PRUNE2: variants seen among roughly 807,000 people sequenced by gnomAD.
PRUNE2 encodes the protein protein prune homolog 2.
In PRUNE2, 164 loss-of-function variants were observed where a neutral mutation model predicts 252.0. The observed-to-expected ratio is 0.65, with a 90% confidence interval of 0.57 to 0.74. PRUNE2 has a LOEUF of 0.74. Ranked by LOEUF, PRUNE2 falls within the 30% of genes least tolerant of loss-of-function variation. The pLI is 0.00. For missense variants in PRUNE2, 3,495 were observed against 3,711.0 expected, an observed-to-expected ratio of 0.94 and a Z score of 1.51; for synonymous variants, 1,292 against 1,350.2, an observed-to-expected ratio of 0.96 and a Z score of 0.94.
At chr9:76,819,350 G>C (rs897601369) in intron 6 of PRUNE2, 1 of 152,238 alleles carries the variant, frequency 6.6e-6, no homozygotes, top group Non-Finnish European at 1.5e-5. Context: ...GACATGCATA[G>C]AGGGAAGGTG....
chr9:76,784,208 T>G (rs1204637477), intron 6 of PRUNE2: 1 of 152,104 alleles, frequency 6.6e-6, no homozygotes, highest in Non-Finnish European at 1.5e-5. Flanking sequence ...CATTAGAAAA[T>G]GAATTGATGT....
intron 9 of PRUNE2, among the ~76,000 whole-genome samples, chr9:76,679,549 G>A (rs1320879421): frequency 2.6e-5 from 4 of 152,152 alleles, no homozygotes; most frequent in Non-Finnish European, 5.9e-5. Flanking sequence ...AAGTACTATA[G>A]GAAGGCTGAG....
Position 76,860,528 on chromosome 9 carries a change from G to A in PRUNE2, c.37-6320C>T, listed in dbSNP as rs147590913. ...GATTTCCGTTACTGTTATCATTTCT[G>A]CAACGGTGGTTTCACAAGGAGCCCT... On this transcript the variant is annotated intron_variant, in intron 1 of 18. Transcript: ENST00000376718. 2.6e-5 allele frequency among the ~76,000 whole-genome samples: 4 copies of A among 152,296 alleles called. No homozygotes were observed. The East Asian group carries it at 7.7e-4, about 29-fold the overall frequency.
At chr9:76,891,663 C>A (rs182394691) in intron 1 of PRUNE2, among the ~76,000 whole-genome samples, 371 of 152,326 alleles carry the variant, frequency 2.4e-3, no homozygotes, top group Non-Finnish European at 3.4e-3. Context: ...TATTTTCACT[C>A]GGACATTTTC....
At chr9:76,650,026 A>G (rs1168888841) in intron 11 of PRUNE2, among the ~76,000 whole-genome samples, 1 of 152,050 alleles carries the variant, frequency 6.6e-6, no homozygotes, top group Non-Finnish European at 1.5e-5. Flanking sequence ...TTTGGCTTCA[A>G]GTATGTAAGT....
At chr9:76,861,227 G>A (rs2060527630) in intron 1 of PRUNE2, among the ~76,000 whole-genome samples, 1 of 152,154 alleles carries the variant, frequency 6.6e-6, no homozygotes, top group Non-Finnish European at 1.5e-5. Context: ...ATTCTTTGCT[G>A]GTTTGGTAAA....
At chr9:76,816,676 GT>G (rs752557403) in intron 6 of PRUNE2, among the ~76,000 whole-genome samples, 10 of 152,240 alleles carry the variant, frequency 6.6e-5, no homozygotes, top group Non-Finnish European at 1.2e-4. Flanking sequence ...TCGGAGTTTG[GT>G]TATTTGGAGT....
At chr9:76,624,591 A>T in intron 16 of PRUNE2, 101 bp from the exon 17 acceptor site, 1 of 798,442 alleles carries the variant, frequency 1.3e-6, no homozygotes, top group Non-Finnish European at 1.8e-6. Context: ...AAAGTGGTGC[A>T]TATGTGCTTT....
At chr9:76,804,059 T>C (rs887833942) in intron 6 of PRUNE2, among the ~76,000 whole-genome samples, 1 of 152,022 alleles carries the variant, frequency 6.6e-6, no homozygotes, top group Non-Finnish European at 1.5e-5. Context: ...CTAAGAAAAA[T>C]GCACACTGCC....
chr9:76,660,781 C>CAAAAAAAA (rs11432174), intron 9 of PRUNE2, among the ~76,000 whole-genome samples: 47 of 100,600 alleles, frequency 4.7e-4, no homozygotes, highest in Middle Eastern at 6.1e-3. Context: ...GACTCTGAAT[C>CAAAAAAAA]AAAAAAAAAA....
intron 6 of PRUNE2, among the ~76,000 whole-genome samples, chr9:76,729,950 C>G (rs546239264): frequency 7.9e-5 from 12 of 152,152 alleles, no homozygotes; most frequent in Non-Finnish European, 5.9e-5. Context: ...TTTTTTATAG[C>G]TGTATTATCC....
chr9:76,869,895 A>G (rs569074953), intron 1 of PRUNE2, among the ~76,000 whole-genome samples: 1 of 152,294 alleles, frequency 6.6e-6, no homozygotes, highest in South Asian at 2.1e-4. Flanking sequence ...GAGCCCCTCA[A>G]TTGGAAAATT....
At chr9:76,616,880 T>C (rs967511118) in intron 18 of PRUNE2, among the ~76,000 whole-genome samples, 2 of 152,030 alleles carry the variant, frequency 1.3e-5, no homozygotes, top group African/African-American at 4.8e-5. Context: ...AAAAGGCATG[T>C]TGCAAGTTTT....
chr9:76,764,642 T>C (rs1202957810), intron 6 of PRUNE2: 3 of 152,302 alleles, frequency 2.0e-5, no homozygotes, highest in East Asian at 3.9e-4. Context: ...GAAGAGGTTT[T>C]GTGTTTCTGT....
intron 11 of PRUNE2, among the ~76,000 whole-genome samples, chr9:76,650,977 A>G (rs774073311): frequency 1.3e-5 from 2 of 152,178 alleles, no homozygotes; most frequent in African/African-American, 4.8e-5. Flanking sequence ...GGAAAGGAGC[A>G]GGAGCTGGTA....
chr9:76,728,054 T>C (rs2048273277), intron 6 of PRUNE2, among the ~76,000 whole-genome samples: 1 of 152,126 alleles, frequency 6.6e-6, no homozygotes, highest in South Asian at 2.1e-4. Flanking sequence ...ATCTTATATT[T>C]AGGATTCCTG....
intron 6 of PRUNE2, among the ~76,000 whole-genome samples, chr9:76,716,646 T>G (rs539392316): frequency 6.6e-6 from 1 of 152,340 alleles, no homozygotes; most frequent in East Asian, 1.9e-4. Flanking sequence ...TATTTTTTTT[T>G]CAGAATGGTA....
intron 17 of PRUNE2, among the ~76,000 whole-genome samples, chr9:76,621,109 G>A (rs1832109226): frequency 6.6e-6 from 1 of 151,922 alleles, no homozygotes; most frequent in Non-Finnish European, 1.5e-5. Context: ...AAACTAGTGG[G>A]CATAAAGCAA....
chr9:76,854,758 T>C (rs769260442), intron 1 of PRUNE2, among the ~76,000 whole-genome samples: 20 of 152,014 alleles, frequency 1.3e-4, no homozygotes, highest in Non-Finnish European at 2.4e-4. Flanking sequence ...TAAAAATTAA[T>C]TGTTCTTAAA....
Sources: gnomAD v4.1 joint callset for allele counts (sites outside exome capture counted in the v4.1 genomes callset) on GRCh38, gnomAD v4.1.1 for gene constraint, MANE v1.5 for transcripts, NCBI Gene and HGNC (gene_info 2026-07-23, HGNC 2026-07-21) for gene names.